The following PC variants were observed in gnomAD, a reference collection of about 807,000 sequenced individuals.
The protein encoded by PC is pyruvate carboxylase, mitochondrial.
In PC, 46 loss-of-function variants were observed where a neutral mutation model predicts 107.8. The ratio of observed to expected loss-of-function variants is 0.43; its 90% CI spans 0.34 to 0.55. The LOEUF is 0.55. Among genes scored for constraint, PC ranks in the 20% least tolerant of loss-of-function variants. The pLI is 0.04. For missense variants in PC, 1,241 were observed against 1,643.1 expected (o/e 0.76, Z 4.23); for synonymous variants, 662 against 684.7 (o/e 0.97, Z 0.52).
intron 3 of PC, among the ~76,000 whole-genome samples, chr11:66,949,426 C>T (rs1433883276): frequency 3.3e-5 from 5 of 151,916 alleles, no homozygotes; most frequent in Non-Finnish European, 5.9e-5. Flanking sequence ...GCCGGGGCGG[C>T]GGCTCACGCC....
chr11:66,875,295 C>T (rs992821647), intron 3 of PC, among the ~76,000 whole-genome samples: 2 of 152,080 alleles, frequency 1.3e-5, no homozygotes, highest in Non-Finnish European at 2.9e-5. Context: ...CAAGATTCGT[C>T]GAGAGACCCC....
chr11:66,886,885 G>A (rs759825851), intron 3 of PC, among the ~76,000 whole-genome samples: 14 of 152,310 alleles, frequency 9.2e-5, no homozygotes, highest in Admixed American at 2.6e-4. Context: ...AGGAAGGCAC[G>A]CTGCTAGGAT....
At chr11:66,855,787 GC>G (rs926844233) in intron 12 of PC, among the ~76,000 whole-genome samples, 2 of 152,084 alleles carry the variant, frequency 1.3e-5, no homozygotes, top group African/African-American at 4.8e-5. Flanking sequence ...CTCCCCTCTC[GC>G]CCCTAGGAAA....
At chr11:66,855,839 G>A in intron 12 of PC, among the ~76,000 whole-genome samples, 1 of 152,238 alleles carries the variant, frequency 6.6e-6, no homozygotes, top group East Asian at 1.9e-4. Flanking sequence ...GCCTACAGGA[G>A]GAACTTGTTT....
At chr11:66,861,164 A>G (rs1946235256) in intron 12 of PC, among the ~76,000 whole-genome samples, 2 of 152,266 alleles carry the variant, frequency 1.3e-5, no homozygotes, top group Admixed American at 1.3e-4. Context: ...AGGCAGCCGG[A>G]TGGGCACGAG....
Position 66,870,716 on chromosome 11 carries a change from G to A in PC, c.751+59C>T. On this transcript the variant is annotated intron_variant, in intron 8 of 22. Coordinates refer to ENST00000393960, the MANE Select transcript of PC (RefSeq NM_001040716.2). The surrounding 1 kb of genome is among the most constrained non-coding windows in gnomAD (Gnocchi z 6.1). Reference sequence around the variant, plus strand: ...AGGCCAGCCACTGTGACGGCACCAGGACTGGGCCTCTCAGCTCCCGCCTCC... The same window carrying A: ...AGGCCAGCCACTGTGACGGCACCAGAACTGGGCCTCTCAGCTCCCGCCTCC... The A allele has an allele frequency of 7.4e-6, 11 of 1,490,528 alleles. No homozygotes were observed. Among genetic ancestry groups the A allele is most frequent in the Non-Finnish European group, 8.4e-6 (9 of 1,076,518 alleles). The allele number at this position is 1,490,528 out of a possible 1,614,324, so 92.3% of individuals were successfully genotyped here.
Position 66,898,470 on chromosome 11 carries a change from A to G in PC, c.1-26311T>C, listed in dbSNP as rs938845968. ...TGAGGTGGGCAGATCACTTGAAGTC[A>G]GGAGTTTAAGACCAGCCTGGCCAAC... On this transcript the variant is annotated intron_variant, in intron 3 of 22. Coordinates refer to ENST00000393960, the MANE Select transcript of PC (RefSeq NM_001040716.2). Among the ~76,000 whole-genome samples, 6 of 152,330 alleles carry G rather than the reference A, an allele frequency of 3.9e-5. No homozygotes were observed. In the East Asian group the frequency reaches 1.2e-3, roughly 29 times the overall value.
chr11:66,937,773 T>G (rs1949034595), intron 3 of PC, among the ~76,000 whole-genome samples: 1 of 150,136 alleles, frequency 6.7e-6, no homozygotes, highest in African/African-American at 2.5e-5. Flanking sequence ...ATTTCTGGGT[T>G]TTTTTTGTTT....
chr11:66,864,284 C>T (rs1400702393), intron 11 of PC, among the ~76,000 whole-genome samples: 12 of 152,212 alleles, frequency 7.9e-5, no homozygotes, highest in Non-Finnish European at 1.5e-5. Context: ...TTCCCACGGA[C>T]CTGCTGCACC....
intron 3 of PC, among the ~76,000 whole-genome samples, chr11:66,951,409 C>T (rs2136155111): frequency 6.6e-6 from 1 of 152,162 alleles, no homozygotes; most frequent in Non-Finnish European, 1.5e-5. Flanking sequence ...GAGGGGAGGC[C>T]ACTGAATCTC....
intron 2 of PC, among the ~76,000 whole-genome samples, chr11:66,953,395 C>T (rs1191332726): frequency 6.6e-6 from 1 of 152,204 alleles, no homozygotes; most frequent in Non-Finnish European, 1.5e-5. Flanking sequence ...TTCCTCAAAT[C>T]CTTTCCTGCA....
At chr11:66,908,740 G>A (rs1413509266) in intron 3 of PC, among the ~76,000 whole-genome samples, 3 of 152,190 alleles carry the variant, frequency 2.0e-5, no homozygotes, top group South Asian at 2.1e-4. Context: ...AAGAGAGCGG[G>A]TAGGCTGAGC....
chr11:66,851,988 G>A, intron 15 of PC, 42 bp from the exon 16 acceptor site: 1 of 1,607,360 alleles, frequency 6.2e-7, no homozygotes, highest in Non-Finnish European at 8.5e-7. Context: ...CTGCATGCCT[G>A]GGGAACTCCA....
Position 66,858,858 on chromosome 11 carries a change from C to G in PC, c.1368+4916G>C. On this transcript the variant is annotated intron_variant, in intron 12 of 22. Coordinates refer to ENST00000393960, the MANE Select transcript of PC (RefSeq NM_001040716.2). This position sits in a 1 kb window ranked among gnomAD's most constrained non-coding sequence, Gnocchi z 5.9. ...AGTAGAACTGCGGGTGCTGGCCTTG[C>G]CCCATGGTGGGAACAGCAGTGCCGA... The G allele has an allele frequency of 1.3e-6, 2 of 1,554,558 alleles. No homozygotes were observed. The highest frequency in any genetic ancestry group is 1.7e-6 in the Non-Finnish European group (2 of 1,150,254).
chr11:66,869,505 C>A (rs1235146181), intron 9 of PC, among the ~76,000 whole-genome samples: 1 of 152,092 alleles, frequency 6.6e-6, no homozygotes, highest in Admixed American at 6.5e-5. Flanking sequence ...CTCACCAAAA[C>A]GATAAACCAG....
At chr11:66,849,885 C>T (rs1565209182) in intron 20 of PC, 26 bp from the exon 21 acceptor site, 1 of 1,613,596 alleles carries the variant, frequency 6.2e-7, no homozygotes, top group Non-Finnish European at 8.5e-7. Context: ...GAGGATCAGT[C>T]CCAAGTCCTG....
rs142309583 is a variant in PC at position 66,868,917 on chromosome 11, G to A, written c.951C>T (p.His317=). The A allele has an allele frequency of 2.7e-4, 431 of 1,613,954 alleles. 2 individuals are homozygous for A. In the African/African-American group the frequency reaches 3.8e-3, roughly 14 times the overall value. The change falls in exon 10 of 23, where the codon CAC becomes CAT. Residue 317 remains histidine, a synonymous_variant. Transcript: ENST00000393960. ...TGACCTCGATGAAGTAGTGCTTGCC[G>A]TGCCTGTCCACCAGGAACTCCACGG... ...AGTVEFLVDR[H]GKHYFIEVNS...
chr11:66,873,521 T>TATAATATTATAATATATATTATATA (rs10676576), intron 3 of PC, among the ~76,000 whole-genome samples: 1 of 85,276 alleles, frequency 1.2e-5, no homozygotes, highest in African/African-American at 4.7e-5. Flanking sequence ...TATTATATTA[T>TATAATATTATAATATATATTATATA]ATATTATAAT....
At chr11:66,885,426 G>GGTTGCAGTGAGCCGAGATGGCGCC (rs1947324830) in intron 3 of PC, among the ~76,000 whole-genome samples, 1 of 150,704 alleles carries the variant, frequency 6.6e-6, no homozygotes, top group African/African-American at 2.5e-5. Flanking sequence ...GGGAGGCAGA[G>GGTTGCAGTGAGCCGAGATGGCGCC]GTTGCAGTGA....
Sources: gnomAD v4.1 joint callset for allele counts (sites outside exome capture counted in the v4.1 genomes callset) on GRCh38, gnomAD v4.1.1 for gene constraint, Gnocchi (gnomAD v3.1) non-coding constraint, MANE v1.5 for transcripts, NCBI Gene and HGNC (gene_info 2026-07-23, HGNC 2026-07-21) for gene names.